FAM20B: variants seen among roughly 807,000 people sequenced by gnomAD.
The protein encoded by FAM20B is FAM20B glycosaminoglycan xylosylkinase.
In FAM20B, 23 loss-of-function variants were observed where a neutral mutation model predicts 43.8. The ratio of observed to expected loss-of-function variants is 0.53; its 90% CI spans 0.38 to 0.74. The LOEUF is 0.74. FAM20B is among the 30% of genes least tolerant of loss of function. The probability of loss-of-function intolerance (pLI) is 0.00; values close to 1 mark genes in which losing one functional copy is unlikely to be tolerated. For missense variants in FAM20B, 440 were observed against 510.5 expected, an observed-to-expected ratio of 0.86 and a Z score of 1.33; for synonymous variants, 178 against 192.4, an observed-to-expected ratio of 0.93 and a Z score of 0.62.
chr1:179,066,709 T>G, intron 6 of FAM20B, 91 bp from the exon 7 acceptor site: 1 of 859,108 alleles, frequency 1.2e-6, no homozygotes, highest in Non-Finnish European at 1.9e-6. Context: ...TAGGATCACA[T>G]TTGAGTTTCA....
intron 4 of FAM20B, among the ~76,000 whole-genome samples, chr1:179,058,173 TTAAA>T (rs1326789119): frequency 7.2e-5 from 11 of 152,212 alleles, no homozygotes; most frequent in Admixed American, 4.6e-4. Context: ...ATTTAACACA[TTAAA>T]TAAGATCTAT....
At position 179,075,967 on chromosome 1, in the gene FAM20B, T is replaced by C. The variant is rs1652112640; in HGVS notation, c.*3823T>C. 6.6e-6 allele frequency: 1 copy of C among 152,146 alleles called. No homozygotes were observed. The highest frequency in any genetic ancestry group is 2.4e-5 in the African/African-American group (1 of 41,422). 9.4% of individuals were successfully genotyped at this position (152,146 alleles called of 1,614,324 possible). A position where few individuals can be genotyped will look rare whatever the true frequency, so the allele number is the denominator to read the frequency against. On this transcript the variant is annotated 3_prime_UTR_variant, in exon 8 of 8. Transcript: ENST00000263733. ...TTCAGGAAACATGAGTAAAAGTATATGTAATGTATATAGTCGTATATGTAT... is the reference window on the plus strand; with the variant it reads ...TTCAGGAAACATGAGTAAAAGTATACGTAATGTATATAGTCGTATATGTAT...
At chr1:179,064,125 A>T in intron 5 of FAM20B, 27 bp downstream of exon 5, 1 of 1,582,356 alleles carries the variant, frequency 6.3e-7, no homozygotes, top group Non-Finnish European at 8.6e-7. Context: ...GCCATTACTT[A>T]ATTCTCCCCT....
chr1:179,067,079 A>G (rs1008507367), intron 7 of FAM20B, among the ~76,000 whole-genome samples: 13 of 152,130 alleles, frequency 8.5e-5, no homozygotes, highest in African/African-American at 3.1e-4. Flanking sequence ...TTGTATGAAT[A>G]GAAGATTGTA....
chr1:179,073,895 C>G lies in FAM20B; in HGVS notation c.*1751C>G, dbSNP rs1014673165. 7 of 152,224 alleles carry G rather than the reference C, an allele frequency of 4.6e-5. No individual in the cohort carries two copies. Among genetic ancestry groups the G allele is most frequent in the African/African-American group, 1.7e-4 (7 of 41,446 alleles). 9.4% of individuals were successfully genotyped at this position (152,224 alleles called of 1,614,324 possible). A position where few individuals can be genotyped will look rare whatever the true frequency, so the allele number is the denominator to read the frequency against. ...GGAAGACAGGCCTGATGTGCCCACT[C>G]ATCTATGGACTCAGAGCTGTGTGCT... On this transcript the variant is annotated 3_prime_UTR_variant, in exon 8 of 8. Transcript: ENST00000263733.
intron 4 of FAM20B, among the ~76,000 whole-genome samples, chr1:179,060,101 A>ATAT (rs1553206283): frequency 1.3e-5 from 2 of 151,278 alleles, no homozygotes; most frequent in South Asian, 2.1e-4. Context: ...ATATATATAT[A>ATAT]TTTTTTTATT....
chr1:179,059,422 A>G (rs1651365395), intron 4 of FAM20B, among the ~76,000 whole-genome samples: 1 of 152,076 alleles, frequency 6.6e-6, no homozygotes, highest in Non-Finnish European at 1.5e-5. Flanking sequence ...CATTTTACAG[A>G]AGTTGCTTAG....
intron 4 of FAM20B, among the ~76,000 whole-genome samples, chr1:179,055,980 T>A (rs1401254173): frequency 6.6e-6 from 1 of 152,216 alleles, no homozygotes; most frequent in Non-Finnish European, 1.5e-5. Context: ...GACTTTATTG[T>A]TTTTAGAGCA....
rs979717592 is a variant in FAM20B, at chr1:179,074,449, G to A, written c.*2305G>A. On this transcript the variant is annotated 3_prime_UTR_variant, in exon 8 of 8. Transcript: ENST00000263733. ...GTTAGTTGAACTAAGTTATGGATTT[G>A]TGGTCTTTCAAATACATGACGCCTT... 2 of 152,540 alleles carry A rather than the reference G, an allele frequency of 1.3e-5. No individual in the cohort carries two copies. The highest frequency in any genetic ancestry group is 4.8e-5 in the African/African-American group (2 of 41,432). The allele number at this position is 152,540 out of a possible 1,614,324, so 9.4% of individuals were successfully genotyped here. A position where few individuals can be genotyped will look rare whatever the true frequency, so the allele number is the denominator to read the frequency against.
chr1:179,073,691 T>C lies in FAM20B; in HGVS notation c.*1547T>C, dbSNP rs1652025209. On this transcript the variant is annotated 3_prime_UTR_variant, in exon 8 of 8. Transcript: ENST00000263733. Reference sequence around the variant, plus strand: ...GGAAGAGCCTTAAGATTTTGATTTATGTCAAATCCTAATTCTATCATTCAG... The same window carrying C: ...GGAAGAGCCTTAAGATTTTGATTTACGTCAAATCCTAATTCTATCATTCAG... 6.6e-6 allele frequency: 1 copy of C among 152,258 alleles called. No individual in the cohort carries two copies. Among genetic ancestry groups the C allele is most frequent in the South Asian group, 2.1e-4 (1 of 4,834 alleles). The allele number at this position is 152,258 out of a possible 1,614,324, so 9.4% of individuals were successfully genotyped here. A position where few individuals can be genotyped will look rare whatever the true frequency, so the allele number is the denominator to read the frequency against.
intron 1 of FAM20B, among the ~76,000 whole-genome samples, chr1:179,031,240 G>A (rs1000984236): frequency 6.6e-6 from 1 of 152,194 alleles, no homozygotes; most frequent in Non-Finnish European, 1.5e-5. Flanking sequence ...TGGTGGTTCT[G>A]TACTGACAGT....
At chr1:179,027,228 C>T (rs1557863684) in intron 1 of FAM20B, among the ~76,000 whole-genome samples, 1 of 152,150 alleles carries the variant, frequency 6.6e-6, no homozygotes, top group East Asian at 1.9e-4. Flanking sequence ...TTATTAGCCA[C>T]GCCTATGTTT....
upstream of FAM20B, among the ~76,000 whole-genome samples, chr1:179,024,291 C>CT (rs2102473723): frequency 6.6e-6 from 1 of 152,344 alleles, no homozygotes; most frequent in African/African-American, 2.4e-5. Flanking sequence ...GAAGCTGAGG[C>CT]TGCAGGATAA....
chr1:179,040,228 G>C (rs566090185), intron 1 of FAM20B, among the ~76,000 whole-genome samples: 1 of 152,154 alleles, frequency 6.6e-6, no homozygotes. Flanking sequence ...ATCATGGCCC[G>C]TTCCCAGTGA....
chr1:179,040,983 GC>G (rs1650488362), intron 1 of FAM20B, among the ~76,000 whole-genome samples: 2 of 143,446 alleles, frequency 1.4e-5, no homozygotes, highest in African/African-American at 5.3e-5. Context: ...GACGGGGCCG[GC>G]GGGCAGAGGC....
chr1:179,043,968 T>C lies in FAM20B; in HGVS notation c.121T>C (p.Phe41Leu). ...TGCCAACCGGGAGGACCAGAGGGCCTTTCACCGAATGATGACTGGCTTGCG... is the reference window on the plus strand; with the variant it reads ...TGCCAACCGGGAGGACCAGAGGGCCCTTCACCGAATGATGACTGGCTTGCG... ...SAANREDQRA[F>L]HRMMTGLRVE... The change falls in exon 2 of 8, where the codon TTT (phenylalanine) becomes CTT (leucine). Residue 41 changes from phenylalanine to leucine, a missense_variant. Phe to Leu is a conservative substitution (Grantham distance 22). Coordinates refer to ENST00000263733, the MANE Select transcript of FAM20B (RefSeq NM_014864.4). 6.2e-7 allele frequency: 1 copy of C among 1,614,164 alleles called. No individual in the cohort carries two copies. The highest frequency in any genetic ancestry group is 8.5e-7 in the Non-Finnish European group (1 of 1,180,002).
intron 1 of FAM20B, among the ~76,000 whole-genome samples, chr1:179,040,499 C>A (rs1259611206): frequency 6.8e-6 from 1 of 147,294 alleles, no homozygotes; most frequent in Non-Finnish European, 1.5e-5. Flanking sequence ...CTGACCCCCC[C>A]ACCTCCCTCC....
At chr1:179,032,313 CT>C (rs547439601) in intron 1 of FAM20B, among the ~76,000 whole-genome samples, 10,321 of 108,866 alleles carry the variant, frequency 0.095, 151 homozygotes, top group East Asian at 0.18. Context: ...AGGTCTCATT[CT>C]TTTTTTTTTT....
Position 179,072,003 on chromosome 1 carries a change from C to T in FAM20B, c.1089C>T (p.Ile363=), listed in dbSNP as rs1225278157. The T allele has an allele frequency of 6.2e-7, 1 of 1,614,018 alleles. No homozygotes were observed. The highest frequency in any genetic ancestry group is 8.5e-7 in the Non-Finnish European group (1 of 1,180,020). Residue 363 remains isoleucine, a synonymous_variant, in exon 8 of 8, where the codon ATC becomes ATT. Transcript: ENST00000263733. ...ALKSAMAHDP[I]SPVLSDPHLD... Reference sequence around the variant, plus strand: ...AATCTGCCATGGCCCATGACCCCATCTCCCCAGTGCTCTCTGATCCTCATC... The same window carrying T: ...AATCTGCCATGGCCCATGACCCCATTTCCCCAGTGCTCTCTGATCCTCATC...
Sources: gnomAD v4.1 joint callset for allele counts (sites outside exome capture counted in the v4.1 genomes callset) on GRCh38, gnomAD v4.1.1 for gene constraint, MANE v1.5 for transcripts, NCBI Gene and HGNC (gene_info 2026-07-23, HGNC 2026-07-21) for gene names.